The following PCDHGB2 variants were observed in gnomAD, a reference collection of about 807,000 sequenced individuals.
PCDHGB2 encodes protocadherin gamma-B2.
Under a neutral mutation model 59.3 loss-of-function variants are expected in PCDHGB2, and 55 were observed. The ratio of observed to expected loss-of-function variants is 0.93; its 90% CI spans 0.75 to 1.16. PCDHGB2 has a LOEUF of 1.16. Ranked by LOEUF, PCDHGB2 falls within the 50% of genes most tolerant of loss-of-function variation. PCDHGB2 has a pLI of 0.00. For synonymous variants in PCDHGB2, 516 were observed against 512.0 expected, an observed-to-expected ratio of 1.01 and a Z score of -0.11; for missense variants, 1,228 against 1,198.5, an observed-to-expected ratio of 1.02 and a Z score of -0.36.
At chr5:141,410,705 A>G (rs1462423983) in intron 1 of PCDHGB2, 1 of 1,460,780 alleles carries the variant, frequency 6.8e-7, no homozygotes, top group Non-Finnish European at 9.1e-7. Context: ...TTTCATATCT[A>G]GAATCATATG....
At chr5:141,388,781 T>C (rs770000046) in intron 1 of PCDHGB2, 3 of 1,613,832 alleles carry the variant, frequency 1.9e-6, no homozygotes, top group Non-Finnish European at 2.5e-6. Flanking sequence ...CCGGGGAAAT[T>C]ACTGTTTTAA....
At chr5:141,388,965 G>A in intron 1 of PCDHGB2, 2 of 1,613,978 alleles carry the variant, frequency 1.2e-6, no homozygotes, top group Non-Finnish European at 1.7e-6. Flanking sequence ...CGCCGAGCTG[G>A]GAACACATAT....
At chr5:141,396,724 A>G (rs957039654) in intron 1 of PCDHGB2, 1 of 152,212 alleles carries the variant, frequency 6.6e-6, no homozygotes, top group African/African-American at 2.4e-5. Flanking sequence ...TAATACCTGA[A>G]TTGATTGTTG....
At chr5:141,500,729 C>T (rs1434863449) in intron 2 of PCDHGB2, among the ~76,000 whole-genome samples, 2 of 152,130 alleles carry the variant, frequency 1.3e-5, no homozygotes, top group Non-Finnish European at 2.9e-5. Flanking sequence ...CCATGTCTTT[C>T]AAAATTCTTC....
In PCDHGB2 at chr5:141,409,552, A is replaced by C. The variant is rs777125488; in HGVS notation, c.2421+46996A>C. On this transcript the variant is annotated intron_variant, in intron 1 of 3. Transcript: ENST00000522605. ...TCGCTGACATCAACGACAACGCCCC[A>C]GTTTTCGACCAGACGTCCTACGTGG... 9 of 1,613,844 alleles carry C rather than the reference A, an allele frequency of 5.6e-6. No homozygotes were observed. The East Asian group carries it at 1.1e-4, about 20-fold the overall frequency.
intron 1 of PCDHGB2, among the ~76,000 whole-genome samples, chr5:141,443,654 G>A (rs2098397947): frequency 6.6e-6 from 1 of 152,150 alleles, no homozygotes; most frequent in Non-Finnish European, 1.5e-5. Context: ...TGTTAGCATA[G>A]CATTTTACTG....
At chr5:141,365,601 T>G in intron 1 of PCDHGB2, 1 of 1,613,644 alleles carries the variant, frequency 6.2e-7, no homozygotes, top group Non-Finnish European at 8.5e-7. Flanking sequence ...ACTTTAACCG[T>G]CATGGACCAT....
At chr5:141,403,378 T>G in intron 1 of PCDHGB2, 5 of 1,614,002 alleles carry the variant, frequency 3.1e-6, no homozygotes, top group Non-Finnish European at 4.2e-6. Context: ...AAGTAAAAAT[T>G]AACGAAATCG....
intron 1 of PCDHGB2, chr5:141,395,540 GTT>G (rs1195680754): frequency 2.1e-5 from 4 of 186,176 alleles, no homozygotes; most frequent in South Asian, 7.0e-5. Flanking sequence ...TTTTGCTATT[GTT>G]TGTGTGTGTG....
chr5:141,376,307 G>A, intron 1 of PCDHGB2: 1 of 1,614,192 alleles, frequency 6.2e-7, no homozygotes, highest in East Asian at 2.2e-5. Context: ...GCACTTTGTG[G>A]GCGTGGAAGG....
At chr5:141,494,755 C>T (rs1246224213) in intron 1 of PCDHGB2, 52 bp from the exon 2 acceptor site, 18 of 1,613,724 alleles carry the variant, frequency 1.1e-5, no homozygotes, top group African/African-American at 1.3e-5. Context: ...GCTCGGGTGA[C>T]ATTCTAACTT....
chr5:141,389,126 A>G, intron 1 of PCDHGB2: 1 of 1,614,034 alleles, frequency 6.2e-7, no homozygotes, highest in South Asian at 1.1e-5. Context: ...AGCAGAATCC[A>G]GAGTACAATA....
chr5:141,507,578 C>T (rs1268451710), intron 3 of PCDHGB2, among the ~76,000 whole-genome samples: 1 of 152,220 alleles, frequency 6.6e-6, no homozygotes, highest in East Asian at 1.9e-4. Context: ...GAGGAGATGC[C>T]AAGTTGGCCT....
chr5:141,491,571 C>CT lies in PCDHGB2; in HGVS notation c.2422-3232dup. On this transcript the variant is annotated intron_variant, in intron 1 of 3. Coordinates refer to ENST00000522605, the MANE Select transcript of PCDHGB2 (RefSeq NM_018923.3). The surrounding 1 kb of genome is among the most constrained non-coding windows in gnomAD (Gnocchi z 6.9). ...CGCAGAGCCACTGCTACAGGACGTG[C>CT]TTTTCACCGGCCTCGGACGGCAGTG... 6.2e-7 allele frequency: 1 copy of CT among 1,614,026 alleles called. No homozygotes were observed. Among genetic ancestry groups the CT allele is most frequent in the Non-Finnish European group, 8.5e-7 (1 of 1,180,042 alleles).
intron 1 of PCDHGB2, 130 bp downstream of exon 1, chr5:141,362,686 T>G: frequency 8.8e-7 from 1 of 1,140,560 alleles, no homozygotes; most frequent in Non-Finnish European, 1.2e-6. Flanking sequence ...TGTCTTAATC[T>G]TATCTAACTG....
chr5:141,478,607 A>T (rs892000536), intron 1 of PCDHGB2: 1 of 1,560,800 alleles, frequency 6.4e-7, no homozygotes, highest in Non-Finnish European at 8.7e-7. Context: ...CATCATATTG[A>T]GGAAGGAATG....
chr5:141,482,546 A>G (rs1489817593), intron 1 of PCDHGB2, among the ~76,000 whole-genome samples: 1 of 151,868 alleles, frequency 6.6e-6, no homozygotes, highest in Non-Finnish European at 1.5e-5. Context: ...AAAAAAAAAA[A>G]AAAGATAATG....
At chr5:141,393,289 AC>A in intron 1 of PCDHGB2, 2 of 1,613,936 alleles carry the variant, frequency 1.2e-6, no homozygotes, top group Non-Finnish European at 1.7e-6. Flanking sequence ...GAAGCTGTTG[AC>A]CCGGATGTGG....
intron 1 of PCDHGB2, 71 bp downstream of exon 1, chr5:141,362,627 G>T: frequency 1.3e-6 from 2 of 1,505,114 alleles, no homozygotes; most frequent in Non-Finnish European, 1.8e-6. Flanking sequence ...AAGTTCCACT[G>T]CGTATTTCTT....
Sources: allele counts gnomAD v4.1 joint callset (sites outside exome capture counted in the v4.1 genomes callset), GRCh38; gene constraint gnomAD v4.1.1; non-coding constraint Gnocchi (gnomAD v3.1); transcripts MANE v1.5; gene names NCBI Gene and HGNC (gene_info 2026-07-23, HGNC 2026-07-21).